Variants in HECW1 observed in about 807,000 individuals in gnomAD.
HECW1 encodes HECT, C2 and WW domain containing E3 ubiquitin protein ligase 1.
Under a neutral mutation model 182.3 loss-of-function variants are expected in HECW1, and 61 were observed. The observed-to-expected ratio is 0.33, with a 90% CI of 0.27 to 0.41. The LOEUF (loss-of-function observed/expected upper bound fraction) is 0.41, where lower values mean the gene tolerates loss of function less well. HECW1 is among the 10% of genes least tolerant of loss of function. The probability of loss-of-function intolerance (pLI) is 1.00; values close to 1 mark genes in which losing one functional copy is unlikely to be tolerated. For synonymous variants in HECW1, 859 were observed against 832.6 expected, an observed-to-expected ratio of 1.03 and a Z score of -0.55; for missense variants, 1,739 against 2,108.9, an observed-to-expected ratio of 0.82 and a Z score of 3.44.
chr7:43,281,022 A>G (rs1803827762), intron 3 of HECW1, among the ~76,000 whole-genome samples: 1 of 152,048 alleles, frequency 6.6e-6, no homozygotes, highest in Non-Finnish European at 1.5e-5. Context: ...GGCATTTAAG[A>G]TTTTTGATGG....
chr7:43,500,672 T>C (rs753162467), intron 19 of HECW1, 27 bp from the exon 20 acceptor site: 1 of 1,559,020 alleles, frequency 6.4e-7, no homozygotes, highest in East Asian at 2.2e-5. Context: ...GGCATCTAAT[T>C]TTCCTCTTCT....
intron 8 of HECW1, among the ~76,000 whole-genome samples, chr7:43,428,012 C>T (rs2076416684): frequency 6.6e-6 from 1 of 152,186 alleles, no homozygotes; most frequent in Non-Finnish European, 1.5e-5. Context: ...CATGGCTTGG[C>T]ATCCAACACA....
chr7:43,232,565 T>C (rs1307843744), intron 2 of HECW1, among the ~76,000 whole-genome samples: 1 of 152,224 alleles, frequency 6.6e-6, no homozygotes, highest in Non-Finnish European at 1.5e-5. Flanking sequence ...TGGGCTCAGA[T>C]GTGCTTCTGA....
intron 2 of HECW1, among the ~76,000 whole-genome samples, chr7:43,229,634 T>TAA (rs59002992): frequency 3.3e-5 from 5 of 150,558 alleles, no homozygotes; most frequent in South Asian, 2.1e-4. Flanking sequence ...AAATAAAAGT[T>TAA]AAAAAAAAAA....
At chr7:43,288,434 G>T (rs755420202) in intron 3 of HECW1, among the ~76,000 whole-genome samples, 24 of 152,186 alleles carry the variant, frequency 1.6e-4, no homozygotes, top group Non-Finnish European at 3.1e-4. Context: ...ATAATTTTAA[G>T]TTGAACACCC....
intron 3 of HECW1, among the ~76,000 whole-genome samples, chr7:43,282,167 G>T (rs1804002282): frequency 6.6e-6 from 1 of 152,192 alleles, no homozygotes; most frequent in African/African-American, 2.4e-5. Flanking sequence ...GCCTCTTACG[G>T]CTGTGTGCAT....
intron 17 of HECW1, among the ~76,000 whole-genome samples, chr7:43,486,232 G>T (rs915313059): frequency 6.6e-6 from 1 of 151,966 alleles, no homozygotes; most frequent in African/African-American, 2.4e-5. Flanking sequence ...ATTCCATGGT[G>T]TATATGTGCC....
chr7:43,293,164 A>G (rs898921199), intron 3 of HECW1, among the ~76,000 whole-genome samples: 1 of 148,302 alleles, frequency 6.7e-6, no homozygotes, highest in South Asian at 2.2e-4. Context: ...AGGTTGCAGT[A>G]AGCCGAGATT....
Position 43,198,835 on chromosome 7 carries a change from C to T in HECW1, c.-31-45040C>T, listed in dbSNP as rs550332077. Among the ~76,000 whole-genome samples, 287 of 152,254 alleles carry T rather than the reference C, an allele frequency of 1.9e-3. 1 individual carries two copies. The highest frequency in any genetic ancestry group is 2.9e-3 in the Non-Finnish European group (199 of 68,018). On this transcript the variant is annotated intron_variant, in intron 2 of 29. Transcript: ENST00000395891. ...GCACACCCGCAGTCCTCCTGAGATC[C>T]CTTTGGGCTGGCCATGTTCTTCTCC...
intron 3 of HECW1, among the ~76,000 whole-genome samples, chr7:43,304,462 AT>A (rs1225016205): frequency 2.1e-5 from 1 of 46,654 alleles, no homozygotes; most frequent in Non-Finnish European, 4.1e-5. Context: ...CAACACAGTT[AT>A]TTATTTATTT....
Position 43,260,403 on chromosome 7 carries a change from G to A in HECW1, c.27+16471G>A, listed in dbSNP as rs148365991. 5.7e-3 allele frequency among the ~76,000 whole-genome samples: 868 copies of A among 152,262 alleles called. 29 individuals carry two copies. The highest frequency in any genetic ancestry group is 0.011 in the East Asian group (57 of 5,186). ...GAAAGACCGAAAAGTGGCAAGATAG[G>A]TGCAACACAGGGAGCAAGGAAAAGA... On this transcript the variant is annotated intron_variant, in intron 3 of 29. Coordinates refer to ENST00000395891, the MANE Select transcript of HECW1 (RefSeq NM_015052.5).
At chr7:43,462,700 C>T (rs1426032902) in intron 13 of HECW1, among the ~76,000 whole-genome samples, 1 of 152,176 alleles carries the variant, frequency 6.6e-6, no homozygotes, top group Non-Finnish European at 1.5e-5. Context: ...CTTCCCTCTC[C>T]ACTGGTCTCC....
chr7:43,239,065 T>C (rs1798639152), intron 2 of HECW1: 1 of 152,186 alleles, frequency 6.6e-6, no homozygotes, highest in South Asian at 2.1e-4. Context: ...CTCATGCTGA[T>C]GGAATCAAGG....
At chr7:43,298,250 G>A (rs1391898252) in intron 3 of HECW1, among the ~76,000 whole-genome samples, 1 of 152,166 alleles carries the variant, frequency 6.6e-6, no homozygotes, top group Non-Finnish European at 1.5e-5. Flanking sequence ...ATTAGGTATG[G>A]AAAACTCCAT....
rs529085823 is a variant in HECW1, at chr7:43,142,424, A to G, written c.-32+28033A>G. ...CACAGAATCTAGCATGCTGAAGGGT[A>G]GCACTGGAGACCAAGCTGGGGGAAG... is the stretch of plus-strand genomic sequence containing the variant. On this transcript the variant is annotated intron_variant, in intron 2 of 29. Coordinates refer to ENST00000395891, the MANE Select transcript of HECW1 (RefSeq NM_015052.5). Among the ~76,000 whole-genome samples the G allele has an allele frequency of 6.6e-5, 10 of 152,310 alleles. No individual in the cohort carries two copies. The South Asian group carries it at 2.1e-3, about 32-fold the overall frequency.
At chr7:43,501,183 C>CT (rs567367189) in intron 20 of HECW1, 30 bp from the exon 21 acceptor site, 35,249 of 738,552 alleles carry the variant, frequency 0.048, 90 homozygotes, top group South Asian at 0.085. Flanking sequence ...TCTTTTCTTT[C>CT]TTTTTTTTTT....
intron 2 of HECW1, among the ~76,000 whole-genome samples, chr7:43,238,197 A>C (rs2152714930): frequency 6.6e-6 from 1 of 152,250 alleles, no homozygotes; most frequent in Middle Eastern, 3.4e-3. Flanking sequence ...AAGAAAGCAA[A>C]CAGCTCTGGG....
intron 2 of HECW1, among the ~76,000 whole-genome samples, chr7:43,202,135 G>A (rs1474791097): frequency 6.6e-6 from 1 of 152,198 alleles, no homozygotes; most frequent in African/African-American, 2.4e-5. Flanking sequence ...AGATGTGAAA[G>A]CCAAGGGCTA....
At chr7:43,527,037 C>G (rs563444742) in intron 24 of HECW1, among the ~76,000 whole-genome samples, 4 of 152,198 alleles carry the variant, frequency 2.6e-5, no homozygotes, top group Non-Finnish European at 5.9e-5. Flanking sequence ...TTTCAGAGCA[C>G]TTTAGTTATC....
Sources: gnomAD v4.1 joint callset for allele counts (sites outside exome capture counted in the v4.1 genomes callset) on GRCh38, gnomAD v4.1.1 for gene constraint, MANE v1.5 for transcripts, NCBI Gene and HGNC (gene_info 2026-07-23, HGNC 2026-07-21) for gene names.